PLAG1: variants seen among roughly 807,000 people sequenced by gnomAD.
PLAG1 encodes PLAG1 zinc finger, also known as zinc finger protein PLAG1.
A neutral mutation model predicts 35.5 loss-of-function variants in PLAG1; 7 were observed. That is an observed-to-expected ratio of 0.20 (90% confidence interval 0.11 to 0.37). PLAG1 has a LOEUF of 0.37. Among genes scored for constraint, PLAG1 ranks in the 10% least tolerant of loss-of-function variants. PLAG1 has a pLI of 1.00. For synonymous variants in PLAG1, 229 were observed against 225.4 expected (o/e 1.02, Z -0.14); for missense variants, 454 against 602.8 (o/e 0.75, Z 2.58).
Position 56,165,493 on chromosome 8 carries a change from T to C in PLAG1, c.*750A>G, listed in dbSNP as rs940783475. ...ACTATTATTAAATGAAAAGATAGCA[T>C]GTTAAGAAGGATGAAACACGACAAA... On this transcript the variant is annotated 3_prime_UTR_variant, in exon 5 of 5. Transcript: ENST00000316981. 2 of 211,102 alleles carry C rather than the reference T, an allele frequency of 9.5e-6. No homozygotes were observed. Among genetic ancestry groups the C allele is most frequent in the African/African-American group, 4.5e-5 (2 of 44,104 alleles). The allele number at this position is 211,102 out of a possible 1,614,324, so 13.1% of individuals were successfully genotyped here.
chr8:56,186,694 A>G (rs944874875), intron 1 of PLAG1, among the ~76,000 whole-genome samples: 11 of 151,294 alleles, frequency 7.3e-5, no homozygotes, highest in Non-Finnish European at 1.5e-4. Flanking sequence ...AAAAAAAAAA[A>G]AAAAGTGACC....
intron 1 of PLAG1, among the ~76,000 whole-genome samples, chr8:56,198,447 G>A (rs1812447982): frequency 6.6e-6 from 1 of 152,210 alleles, no homozygotes; most frequent in African/African-American, 2.4e-5. Context: ...GCAGAGGGCA[G>A]CACAGATGAG....
At chr8:56,173,105 T>G (rs1012966061) in intron 2 of PLAG1, among the ~76,000 whole-genome samples, 1 of 152,132 alleles carries the variant, frequency 6.6e-6, no homozygotes, top group Non-Finnish European at 1.5e-5. Flanking sequence ...CATAAAATCT[T>G]TATTTATGCT....
intron 2 of PLAG1, 31 bp downstream of exon 2, chr8:56,179,378 G>A (rs889702591): frequency 6.2e-5 from 16 of 259,160 alleles, no homozygotes; most frequent in Admixed American, 1.9e-4. Flanking sequence ...CACTTTGAAA[G>A]TCATGCCATA....
At chr8:56,178,001 G>C in intron 2 of PLAG1, 1 of 979,458 alleles carries the variant, frequency 1.0e-6, no homozygotes, top group Non-Finnish European at 1.2e-6. Context: ...AACCTGGGTA[G>C]CACTCAGCCA....
intron 1 of PLAG1, among the ~76,000 whole-genome samples, chr8:56,189,118 T>C (rs1308119699): frequency 2.6e-5 from 4 of 152,196 alleles, no homozygotes; most frequent in Non-Finnish European, 5.9e-5. Flanking sequence ...AAGTATGTGC[T>C]GAATGAATAA....
rs73594272 is a variant in PLAG1 at position 56,164,965 on chromosome 8, T to C, written c.*1278A>G. ...ACTTTGTGGTAGTTCATCAGGTAGT[T>C]TTCTAATGCATTTAACTTCAAATTC... On this transcript the variant is annotated 3_prime_UTR_variant, in exon 5 of 5. Transcript: ENST00000316981. 6,113 of 207,576 alleles carry C rather than the reference T, an allele frequency of 0.029. 138 individuals are homozygous for C. The highest frequency in any genetic ancestry group is 0.068 in the African/African-American group (2,999 of 44,034). 12.9% of individuals were successfully genotyped at this position (207,576 alleles called of 1,614,324 possible).
Position 56,167,631 on chromosome 8 carries a change from T to C in PLAG1, c.243-128A>G. ...TAGTAATGGAAACTGTTTAACTTAA[T>C]ATATACCACGAGGATAGTTAATATA... On this transcript the variant is annotated intron_variant, in intron 4 of 4. Transcript: ENST00000316981. The surrounding 1 kb of genome is among the most constrained non-coding windows in gnomAD (Gnocchi z 5.9). 4.6e-6 allele frequency: 3 copies of C among 648,978 alleles called. No individual in the cohort carries two copies. Among genetic ancestry groups the C allele is most frequent in the Non-Finnish European group, 7.9e-6 (3 of 381,442 alleles). 40.2% of individuals were successfully genotyped at this position (648,978 alleles called of 1,614,324 possible).
rs1811406291 is a variant in PLAG1 at position 56,167,859 on chromosome 8, A to G, written c.242+169T>C. ...AAAAAGTCCAAAGACACTAACACAT[A>G]AAAGTATGTGATTTAGAATACTAAA... is the stretch of plus-strand genomic sequence containing the variant. On this transcript the variant is annotated intron_variant, in intron 4 of 4. Coordinates refer to ENST00000316981, the MANE Select transcript of PLAG1 (RefSeq NM_002655.3). This position sits in a 1 kb window ranked among gnomAD's most constrained non-coding sequence, Gnocchi z 5.9. Among the ~76,000 whole-genome samples, 1 of 152,242 alleles carries G rather than the reference A, an allele frequency of 6.6e-6. No homozygotes were observed. Among genetic ancestry groups the G allele is most frequent in the African/African-American group, 2.4e-5 (1 of 41,470 alleles).
chr8:56,178,949 T>A (rs1373512758), intron 2 of PLAG1, among the ~76,000 whole-genome samples: 2 of 141,644 alleles, frequency 1.4e-5, no homozygotes, highest in Non-Finnish European at 3.0e-5. Flanking sequence ...TATTCTAGCA[T>A]CTGCCCCATC....
chr8:56,201,240 A>G (rs1051200304), intron 1 of PLAG1, among the ~76,000 whole-genome samples: 1 of 152,230 alleles, frequency 6.6e-6, no homozygotes, highest in Non-Finnish European at 1.5e-5. Flanking sequence ...AAGCTAAGCA[A>G]TATTTTCAAT....
Position 56,176,760 on chromosome 8 carries a change from A to G in PLAG1, c.-217+2649T>C, listed in dbSNP as rs533330615. Among the ~76,000 whole-genome samples the G allele has an allele frequency of 2.9e-4, 44 of 152,210 alleles. 2 individuals carry two copies. In the South Asian group the frequency reaches 8.7e-3, roughly 30 times the overall value. On this transcript the variant is annotated intron_variant, in intron 2 of 4. Coordinates refer to ENST00000316981, the MANE Select transcript of PLAG1 (RefSeq NM_002655.3). The stretch of plus-strand genomic sequence containing the variant: ...CAGGTCAGCTCAATCTGAAAACTGT[A>G]TGTATCCCAAATTGTGGTAAGTTAT...
At chr8:56,197,995 C>T (rs922782875) in intron 1 of PLAG1, among the ~76,000 whole-genome samples, 1 of 152,090 alleles carries the variant, frequency 6.6e-6, no homozygotes, top group South Asian at 2.1e-4. Context: ...AGAAGTGATC[C>T]CAGGCCTCCT....
chr8:56,206,722 GAACTAAAGA>G, intron 1 of PLAG1, among the ~76,000 whole-genome samples: 1 of 151,990 alleles, frequency 6.6e-6, no homozygotes, highest in East Asian at 1.9e-4. Flanking sequence ...ATTCCTGGTA[GAACTAAAGA>G]AACTAAAGGT....
At chr8:56,180,262 G>A (rs1446900558) in intron 1 of PLAG1, among the ~76,000 whole-genome samples, 1 of 152,166 alleles carries the variant, frequency 6.6e-6, no homozygotes. Context: ...CTACAACAGA[G>A]GGTCAAGGCT....
At chr8:56,193,719 A>G (rs1250741800) in intron 1 of PLAG1, among the ~76,000 whole-genome samples, 1 of 131,814 alleles carries the variant, frequency 7.6e-6, no homozygotes, top group Non-Finnish European at 1.6e-5. Flanking sequence ...TTTTTTTGAG[A>G]CGGAGTCTCA....
At chr8:56,184,677 G>A (rs150198886) in intron 1 of PLAG1, among the ~76,000 whole-genome samples, 8 of 152,306 alleles carry the variant, frequency 5.3e-5, no homozygotes, top group Non-Finnish European at 7.4e-5. Context: ...AGGTGAGTGA[G>A]TGGCCAAGGT....
intron 2 of PLAG1, chr8:56,171,494 T>C (rs1257404089): frequency 2.0e-5 from 3 of 152,220 alleles, no homozygotes; most frequent in Admixed American, 6.5e-5. Context: ...CTGAAATGGA[T>C]ATTAGGGCTA....
Position 56,208,178 on chromosome 8 carries a change from CT to C in PLAG1, c.-322+2942del, listed in dbSNP as rs147797046. Among the ~76,000 whole-genome samples, 1,102 of 152,160 alleles carry C rather than the reference CT, an allele frequency of 7.2e-3. 9 individuals carry two copies. The highest frequency in any genetic ancestry group is 0.025 in the African/African-American group (1,054 of 41,532). Reference sequence around the variant, plus strand: ...TTTTAAATGCACAGCATAATTCTGACTACTTATAGTCAATGTAACTGTCTTG... The same window carrying C: ...TTTTAAATGCACAGCATAATTCTGACACTTATAGTCAATGTAACTGTCTTG... On this transcript the variant is annotated intron_variant, in intron 1 of 4. Transcript: ENST00000316981.
Sources: allele counts gnomAD v4.1 joint callset (sites outside exome capture counted in the v4.1 genomes callset), GRCh38; gene constraint gnomAD v4.1.1; non-coding constraint Gnocchi (gnomAD v3.1); transcripts MANE v1.5; gene names NCBI Gene and HGNC (gene_info 2026-07-23, HGNC 2026-07-21).